Variants in CEP112 observed in about 807,000 individuals in gnomAD.
The protein encoded by CEP112 is centrosomal protein of 112 kDa.
Under a neutral mutation model 153.0 loss-of-function variants are expected in CEP112, and 127 were observed. The ratio of observed to expected loss-of-function variants is 0.83; its 90% CI spans 0.72 to 0.96. The LOEUF (loss-of-function observed/expected upper bound fraction) is 0.96. Ranked by LOEUF, CEP112 falls within the 40% of genes least tolerant of loss-of-function variation. The pLI is 0.00. For synonymous variants in CEP112, 358 were observed against 374.4 expected, an observed-to-expected ratio of 0.96 and a Z score of 0.51; for missense variants, 1,089 against 1,101.2, an observed-to-expected ratio of 0.99 and a Z score of 0.16.
chr17:65,732,574 C>T (rs1251112575), intron 23 of CEP112, among the ~76,000 whole-genome samples: 3 of 152,224 alleles, frequency 2.0e-5, no homozygotes, highest in Non-Finnish European at 2.9e-5. Context: ...CAACAGAAGG[C>T]TGTTTCATCT....
chr17:66,178,425 T>A lies in CEP112; in HGVS notation c.107-1405A>T, dbSNP rs185565840. 2.7e-3 allele frequency among the ~76,000 whole-genome samples: 416 copies of A among 152,168 alleles called. 1 individual carries two copies. Among genetic ancestry groups the A allele is most frequent in the African/African-American group, 9.5e-3 (397 of 41,584 alleles). ...TAAATCAGATTATTTGATTTTTTTGTATAGAGTTGTTTGAGCTCCTTATAT... is the reference window on the plus strand; with the variant it reads ...TAAATCAGATTATTTGATTTTTTTGAATAGAGTTGTTTGAGCTCCTTATAT... On this transcript the variant is annotated intron_variant, in intron 2 of 26. Transcript: ENST00000535342.
At chr17:66,075,826 C>G (rs908074621) in intron 8 of CEP112, among the ~76,000 whole-genome samples, 6 of 152,160 alleles carry the variant, frequency 3.9e-5, no homozygotes, top group African/African-American at 1.4e-4. Flanking sequence ...CCCAGACCCT[C>G]TGAAGGAAGA....
chr17:65,948,680 T>C (rs1360175292), intron 18 of CEP112, among the ~76,000 whole-genome samples: 1 of 148,860 alleles, frequency 6.7e-6, no homozygotes, highest in Non-Finnish European at 1.5e-5. Flanking sequence ...GCTAAACTGA[T>C]AATAAATTTC....
At chr17:65,837,451 C>T (rs940265011) in intron 21 of CEP112, among the ~76,000 whole-genome samples, 2 of 151,862 alleles carry the variant, frequency 1.3e-5, no homozygotes, top group Non-Finnish European at 2.9e-5. Flanking sequence ...TCTGCCCAGC[C>T]GCTACCCCGT....
chr17:65,969,203 T>A (rs983025280), intron 17 of CEP112, among the ~76,000 whole-genome samples: 5 of 151,650 alleles, frequency 3.3e-5, no homozygotes, highest in African/African-American at 1.2e-4. Flanking sequence ...TGCCTCAGCC[T>A]CCCAAGTAGC....
chr17:65,851,713 C>A, intron 21 of CEP112, 91 bp downstream of exon 21: 1 of 897,634 alleles, frequency 1.1e-6, no homozygotes, highest in East Asian at 2.4e-5. Context: ...GCCATGTCTA[C>A]TACCTTTTGG....
intron 6 of CEP112, among the ~76,000 whole-genome samples, chr17:66,120,406 G>A (rs917743334): frequency 1.3e-5 from 2 of 152,068 alleles, no homozygotes; most frequent in African/African-American, 4.8e-5. Context: ...TTACCATGTT[G>A]GCCAGGCTGG....
intron 1 of CEP112, among the ~76,000 whole-genome samples, chr17:66,186,588 T>C (rs1158768513): frequency 1.3e-5 from 2 of 152,062 alleles, no homozygotes; most frequent in Non-Finnish European, 2.9e-5. Flanking sequence ...CATGCCCAGC[T>C]GCCTCTTGTC....
chr17:65,934,863 G>T (rs1026218152), intron 18 of CEP112, among the ~76,000 whole-genome samples: 28 of 152,180 alleles, frequency 1.8e-4, no homozygotes, highest in African/African-American at 6.0e-4. Flanking sequence ...GGCTGCGGAG[G>T]CCTCAGGAAA....
At chr17:65,781,063 A>T (rs1346668693) in intron 21 of CEP112, among the ~76,000 whole-genome samples, 2 of 152,154 alleles carry the variant, frequency 1.3e-5, no homozygotes, top group Non-Finnish European at 2.9e-5. Flanking sequence ...AATACTTAAC[A>T]AAAGCTCTAT....
intron 12 of CEP112, among the ~76,000 whole-genome samples, chr17:66,040,082 C>T (rs551611395): frequency 2.6e-5 from 4 of 152,194 alleles, no homozygotes; most frequent in African/African-American, 7.2e-5. Context: ...GCAGTGAAAC[C>T]GCTGTCATAA....
intron 20 of CEP112, among the ~76,000 whole-genome samples, chr17:65,893,729 G>T (rs1187273143): frequency 6.6e-6 from 1 of 152,032 alleles, no homozygotes; most frequent in East Asian, 1.9e-4. Flanking sequence ...TTCATACAGT[G>T]CTGTGTTCTC....
chr17:66,104,518 T>C (rs149689727), intron 6 of CEP112, among the ~76,000 whole-genome samples: 199 of 152,326 alleles, frequency 1.3e-3, no homozygotes, highest in African/African-American at 4.6e-3. Flanking sequence ...CTTAGTGTCA[T>C]GCTAGCTTCA....
chr17:65,963,490 A>G (rs1318228046), intron 17 of CEP112, among the ~76,000 whole-genome samples: 1 of 152,178 alleles, frequency 6.6e-6, no homozygotes, highest in Non-Finnish European at 1.5e-5. Context: ...ATATCAAAAT[A>G]CCAAACTTTC....
At chr17:66,077,449 A>G (rs1226253974) in intron 8 of CEP112, among the ~76,000 whole-genome samples, 6 of 152,184 alleles carry the variant, frequency 3.9e-5, no homozygotes, top group Non-Finnish European at 7.3e-5. Context: ...TTGAACAAAA[A>G]GAAGAAAGAA....
chr17:65,855,980 A>G (rs1473123897), intron 20 of CEP112, among the ~76,000 whole-genome samples: 3 of 152,046 alleles, frequency 2.0e-5, no homozygotes, highest in Non-Finnish European at 2.9e-5. Context: ...AAGAAGATCA[A>G]TTGAGCCCAG....
Position 66,029,111 on chromosome 17 carries a change from C to T in CEP112, c.1503+12G>A, listed in dbSNP as rs1339170860. 6.4e-7 allele frequency: 1 copy of T among 1,573,548 alleles called. No homozygotes were observed. Among genetic ancestry groups the T allele is most frequent in the Non-Finnish European group, 8.7e-7 (1 of 1,148,934 alleles). ...ATACTTCATGTGGATTATCTATTAACATAAATAATACCTTAGAAGCTGAAA... is the reference window on the plus strand; with the variant it reads ...ATACTTCATGTGGATTATCTATTAATATAAATAATACCTTAGAAGCTGAAA... On this transcript the variant is annotated intron_variant, in intron 14 of 26. Transcript: ENST00000535342.
chr17:66,028,527 G>C, intron 14 of CEP112, 122 bp from the exon 15 acceptor site: 1 of 443,246 alleles, frequency 2.3e-6, no homozygotes. Flanking sequence ...AAATTATCTA[G>C]AAATTTGAAT....
At chr17:65,961,842 C>T (rs966914778) in intron 17 of CEP112, among the ~76,000 whole-genome samples, 1 of 152,146 alleles carries the variant, frequency 6.6e-6, no homozygotes, top group Non-Finnish European at 1.5e-5. Context: ...AAAAACAAAA[C>T]TGAGTAAAAC....
Sources: gnomAD v4.1 joint callset for allele counts (sites outside exome capture counted in the v4.1 genomes callset) on GRCh38, gnomAD v4.1.1 for gene constraint, MANE v1.5 for transcripts, NCBI Gene and HGNC (gene_info 2026-07-23, HGNC 2026-07-21) for gene names.